The following CDH18 variants were observed in gnomAD, a reference collection of about 807,000 sequenced individuals.
CDH18 encodes cadherin 18, also known as cadherin-18.
CDH18 carries 31 observed loss-of-function variants against 67.9 expected under a neutral mutation model. The observed-to-expected ratio is 0.46, with a 90% CI of 0.34 to 0.62. CDH18 has a LOEUF of 0.62. CDH18 is among the 20% of genes least tolerant of loss of function. CDH18 has a pLI of 0.01. For missense variants in CDH18, 890 were observed against 975.5 expected, an observed-to-expected ratio of 0.91 and a Z score of 1.17; for synonymous variants, 362 against 347.2, an observed-to-expected ratio of 1.04 and a Z score of -0.48.
intron 6 of CDH18, among the ~76,000 whole-genome samples, chr5:19,599,071 TTG>T (rs753307608): frequency 6.6e-6 from 1 of 152,156 alleles, no homozygotes; most frequent in Non-Finnish European, 1.5e-5. Flanking sequence ...GTTTATTGCT[TTG>T]TGATTGTAGT....
chr5:19,684,936 A>G (rs1760863627), intron 5 of CDH18, among the ~76,000 whole-genome samples: 1 of 152,078 alleles, frequency 6.6e-6, no homozygotes, highest in Non-Finnish European at 1.5e-5. Context: ...AAAATTTTCC[A>G]GAGTCACATA....
At position 19,829,997 on chromosome 5, in the gene CDH18, T is replaced by C. The variant is rs144492667; in HGVS notation, c.228+8762A>G. Among the ~76,000 whole-genome samples, 338 of 152,260 alleles carry C rather than the reference T, an allele frequency of 2.2e-3. 2 individuals are homozygous for C. The highest frequency in any genetic ancestry group is 7.6e-3 in the African/African-American group (315 of 41,566). On this transcript the variant is annotated intron_variant, in intron 3 of 12. Coordinates refer to ENST00000382275, the MANE Select transcript of CDH18 (RefSeq NM_004934.5). Reference sequence around the variant, plus strand: ...TAACGGTATAGCCATATGAAGAAGGTTGAAGCTAGACTCCTTCCTTACATC... The same window carrying C: ...TAACGGTATAGCCATATGAAGAAGGCTGAAGCTAGACTCCTTCCTTACATC...
intron 2 of CDH18, among the ~76,000 whole-genome samples, chr5:19,962,566 G>T (rs905682776): frequency 1.3e-5 from 2 of 151,848 alleles, no homozygotes; most frequent in Admixed American, 6.6e-5. Context: ...TTGAGATCAG[G>T]AGTATGAAAC....
chr5:19,692,648 A>G (rs943578167), intron 5 of CDH18, among the ~76,000 whole-genome samples: 2 of 152,032 alleles, frequency 1.3e-5, no homozygotes, highest in Admixed American at 1.3e-4. Flanking sequence ...ATCACTAATC[A>G]TCAGGGAAAT....
chr5:20,073,089 TA>T lies in CDH18; in HGVS notation c.-517-81076del, dbSNP rs576363329. Among the ~76,000 whole-genome samples the T allele has an allele frequency of 3.1e-4, 47 of 152,122 alleles. 1 individual carries two copies. In the East Asian group the frequency reaches 9.1e-3, roughly 29 times the overall value. Reference sequence around the variant, plus strand: ...TACATAAAAAAAACTTTAGAATCAGTAGTTGTCAACTTCAGAACAGTTCTTT... The same window carrying T: ...TACATAAAAAAAACTTTAGAATCAGTGTTGTCAACTTCAGAACAGTTCTTT... On this transcript the variant is annotated intron_variant, in intron 2 of 14. Transcript: ENST00000507958.
At chr5:19,570,371 C>T (rs1741184959) in intron 8 of CDH18, among the ~76,000 whole-genome samples, 2 of 152,092 alleles carry the variant, frequency 1.3e-5, no homozygotes, top group Non-Finnish European at 2.9e-5. Context: ...GATACAGTTT[C>T]TATACTTGCA....
intron 3 of CDH18, among the ~76,000 whole-genome samples, chr5:19,754,303 A>C (rs2149679936): frequency 6.6e-6 from 1 of 152,336 alleles, no homozygotes; most frequent in Admixed American, 6.5e-5. Flanking sequence ...ACTTTAAGTA[A>C]AGTGGTGAAA....
chr5:19,771,775 A>G (rs1013538190), intron 3 of CDH18, among the ~76,000 whole-genome samples: 14 of 152,218 alleles, frequency 9.2e-5, no homozygotes, highest in Non-Finnish European at 2.9e-5. Flanking sequence ...CCATTTGTAT[A>G]CATTTATAGG....
At chr5:20,200,204 A>G (rs752382558) in intron 2 of CDH18, among the ~76,000 whole-genome samples, 5 of 152,238 alleles carry the variant, frequency 3.3e-5, no homozygotes, top group Non-Finnish European at 5.9e-5. Flanking sequence ...GTTAATGATA[A>G]GAATAAAAGA....
Position 20,373,395 on chromosome 5 carries a change from C to T in CDH18, c.-579-117890G>A, listed in dbSNP as rs1182981077. On this transcript the variant is annotated intron_variant, in intron 1 of 14. Transcript: ENST00000507958. ...GGAATGTTTTAAAAATTCCCAGACC[C>T]CAGCTCTCACACCCATCACTGTACC... 2.6e-5 allele frequency among the ~76,000 whole-genome samples: 4 copies of T among 152,080 alleles called. No individual in the cohort carries two copies. In the East Asian group the frequency reaches 7.7e-4, roughly 29 times the overall value.
At chr5:19,579,095 TTAA>T (rs1742795588) in intron 7 of CDH18, among the ~76,000 whole-genome samples, 1 of 152,022 alleles carries the variant, frequency 6.6e-6, no homozygotes, top group South Asian at 2.1e-4. Flanking sequence ...AACCTCCTTA[TTAA>T]TTACATTATT....
intron 1 of CDH18, among the ~76,000 whole-genome samples, chr5:20,371,077 A>G (rs558933383): frequency 4.1e-4 from 62 of 151,904 alleles, no homozygotes; most frequent in Non-Finnish European, 5.6e-4. Context: ...CCAATGTATC[A>G]TAGTTGTCAA....
chr5:19,952,614 A>C (rs924997827), intron 2 of CDH18, among the ~76,000 whole-genome samples: 1 of 152,170 alleles, frequency 6.6e-6, no homozygotes, highest in Admixed American at 6.6e-5. Flanking sequence ...ACATATTAAT[A>C]TCCTTAAAAA....
chr5:20,180,849 G>A (rs551763818), intron 2 of CDH18, among the ~76,000 whole-genome samples: 20 of 152,188 alleles, frequency 1.3e-4, no homozygotes, highest in African/African-American at 2.4e-4. Context: ...GCCAGATCCC[G>A]CGATAGACAT....
intron 3 of CDH18, among the ~76,000 whole-genome samples, chr5:19,768,855 T>A (rs1773398237): frequency 6.6e-6 from 1 of 150,890 alleles, no homozygotes; most frequent in African/African-American, 2.4e-5. Context: ...ATAGAAAAAA[T>A]CAATAACAAA....
chr5:19,633,739 C>G (rs1752727206), intron 5 of CDH18, among the ~76,000 whole-genome samples: 1 of 152,090 alleles, frequency 6.6e-6, no homozygotes, highest in Non-Finnish European at 1.5e-5. Flanking sequence ...AAGCGATCCT[C>G]CCACCTCAGC....
chr5:20,034,666 T>TA (rs1427937829), intron 2 of CDH18, among the ~76,000 whole-genome samples: 3 of 152,052 alleles, frequency 2.0e-5, no homozygotes, highest in Non-Finnish European at 4.4e-5. Flanking sequence ...AACTGGACCA[T>TA]AAACTATTTG....
intron 1 of CDH18, among the ~76,000 whole-genome samples, chr5:20,257,095 C>T (rs1184486543): frequency 1.3e-5 from 2 of 151,950 alleles, no homozygotes; most frequent in Non-Finnish European, 2.9e-5. Flanking sequence ...GTTACTAGAA[C>T]ACCTCCATGG....
At chr5:19,851,283 A>T (rs1783655148) in intron 2 of CDH18, among the ~76,000 whole-genome samples, 1 of 151,598 alleles carries the variant, frequency 6.6e-6, no homozygotes, top group Non-Finnish European at 1.5e-5. Flanking sequence ...ACTTAAAAGT[A>T]TATTCTCTAG....
Sources: allele counts gnomAD v4.1 joint callset (sites outside exome capture counted in the v4.1 genomes callset), GRCh38; gene constraint gnomAD v4.1.1; transcripts MANE v1.5; gene names NCBI Gene and HGNC (gene_info 2026-07-23, HGNC 2026-07-21).